The following GNG4 variants were observed in gnomAD, a reference collection of about 807,000 sequenced individuals.
GNG4 encodes the protein guanine nucleotide-binding protein G(I)/G(S)/G(O) subunit gamma-4.
Under a neutral mutation model 5.8 loss-of-function variants are expected in GNG4, and 4 were observed. The ratio of observed to expected loss-of-function variants is 0.69; its 90% confidence interval spans 0.34 to 1.57. The LOEUF (loss-of-function observed/expected upper bound fraction) is 1.57. Ranked by LOEUF, GNG4 falls within the 40% of genes most tolerant of loss-of-function variation. The probability of loss-of-function intolerance (pLI) is 0.06; values close to 1 mark genes in which losing one functional copy is unlikely to be tolerated. For synonymous variants in GNG4, 29 were observed against 32.9 expected (o/e 0.88, Z 0.41); for missense variants, 96 against 95.1 (o/e 1.01, Z -0.04).
At chr1:235,595,189 T>C (rs1192710775) in intron 2 of GNG4, among the ~76,000 whole-genome samples, 1 of 151,922 alleles carries the variant, frequency 6.6e-6, no homozygotes, top group East Asian at 1.9e-4. Context: ...TAACAGGAGG[T>C]GGCAAAAGGT....
intron 1 of GNG4, among the ~76,000 whole-genome samples, chr1:235,636,283 C>T (rs780948945): frequency 1.3e-5 from 2 of 152,206 alleles, no homozygotes; most frequent in African/African-American, 4.8e-5. Context: ...ACTTCCAAAG[C>T]GGGTTCAGAA....
intron 2 of GNG4, among the ~76,000 whole-genome samples, chr1:235,587,303 AGGGTGAGGGGTGTGTGTGTG>A (rs1687793358): frequency 1.7e-4 from 5 of 29,958 alleles, no homozygotes; most frequent in African/African-American, 7.0e-4. Flanking sequence ...GGTGTGTGTG[AGGGTGAGGGGTGTGTGTGTG>A]TGAGAGTGTG....
chr1:235,565,498 ACT>A (rs1158901269), intron 3 of GNG4, among the ~76,000 whole-genome samples: 1 of 152,098 alleles, frequency 6.6e-6, no homozygotes, highest in Non-Finnish European at 1.5e-5. Flanking sequence ...ACAGAGTGAG[ACT>A]CTGTTTCAAA....
intron 2 of GNG4, among the ~76,000 whole-genome samples, chr1:235,592,687 C>T (rs1044148385): frequency 1.3e-5 from 2 of 152,138 alleles, no homozygotes; most frequent in Non-Finnish European, 2.9e-5. Flanking sequence ...TTGAAGATAG[C>T]CGCCCTTTTC....
At chr1:235,583,946 G>A (rs1687704144) in intron 2 of GNG4, 98 bp from the exon 3 acceptor site, 1 of 612,830 alleles carries the variant, frequency 1.6e-6, no homozygotes, top group East Asian at 2.8e-5. Flanking sequence ...CCAAGCCAGG[G>A]AGCATCTGGG....
At chr1:235,623,915 G>A (rs1454756832) in intron 1 of GNG4, among the ~76,000 whole-genome samples, 1 of 152,142 alleles carries the variant, frequency 6.6e-6, no homozygotes. Flanking sequence ...CTACTAAAGA[G>A]ACAAAATGGA....
chr1:235,575,061 A>C (rs913974418), intron 3 of GNG4, among the ~76,000 whole-genome samples: 3 of 152,070 alleles, frequency 2.0e-5, no homozygotes, highest in African/African-American at 7.2e-5. Flanking sequence ...CTGACCTCGA[A>C]TGATCCACCC....
intron 1 of GNG4, among the ~76,000 whole-genome samples, chr1:235,630,981 C>A (rs376795869): frequency 3.3e-5 from 5 of 152,072 alleles, no homozygotes; most frequent in South Asian, 4.2e-4. Context: ...TCACTGCAAG[C>A]TCTGCCTCCC....
chr1:235,560,382 TTC>T (rs1321288369), intron 3 of GNG4, among the ~76,000 whole-genome samples: 4 of 152,152 alleles, frequency 2.6e-5, no homozygotes, highest in Non-Finnish European at 5.9e-5. Flanking sequence ...GGCCCCTTTT[TTC>T]TCTCTCTGCC....
At chr1:235,605,021 G>A (rs1688329780) in intron 1 of GNG4, among the ~76,000 whole-genome samples, 1 of 152,116 alleles carries the variant, frequency 6.6e-6, no homozygotes, top group South Asian at 2.1e-4. Flanking sequence ...CTTGTAAAAT[G>A]AGAAAATTGA....
At chr1:235,608,695 T>TA (rs1316339239) in intron 1 of GNG4, among the ~76,000 whole-genome samples, 4 of 151,818 alleles carry the variant, frequency 2.6e-5, no homozygotes, top group Admixed American at 6.6e-5. Flanking sequence ...TTATTTTTTT[T>TA]TTTTTTGAGA....
At chr1:235,633,973 A>G (rs937370249) in intron 1 of GNG4, among the ~76,000 whole-genome samples, 2 of 152,230 alleles carry the variant, frequency 1.3e-5, no homozygotes, top group Non-Finnish European at 2.9e-5. Flanking sequence ...AAGCAGAAAA[A>G]TAAAGCTCTG....
At chr1:235,628,142 C>T (rs1389275931) in intron 1 of GNG4, among the ~76,000 whole-genome samples, 1 of 152,026 alleles carries the variant, frequency 6.6e-6, no homozygotes, top group East Asian at 1.9e-4. Context: ...ATTGTGCCAT[C>T]GCACTCCAGC....
intron 1 of GNG4, among the ~76,000 whole-genome samples, chr1:235,612,086 A>AAAGAGG: frequency 8.8e-6 from 1 of 113,968 alleles, no homozygotes; most frequent in Non-Finnish European, 1.7e-5. Flanking sequence ...AAAAAAAAAA[A>AAAGAGG]AAAAAGAGGA....
intron 1 of GNG4, among the ~76,000 whole-genome samples, chr1:235,637,121 T>C (rs910172044): frequency 6.6e-6 from 1 of 151,380 alleles, no homozygotes; most frequent in Non-Finnish European, 1.5e-5. Context: ...ACAGGGTACA[T>C]GAATGCTTTT....
In GNG4 at chr1:235,642,793, C is replaced by T. The variant is rs867660695; in HGVS notation, c.-123+6869G>A. ...CTCGGATCACCCCAGGCAATCTCGC[C>T]CCTGTGGCTTCACCTGGGTCCAGCC... On this transcript the variant is annotated intron_variant, in intron 1 of 3. Coordinates refer to ENST00000391854, the MANE Select transcript of GNG4 (RefSeq NM_001098722.2). The surrounding 1 kb of genome is among the most constrained non-coding windows in gnomAD (Gnocchi z 4.3). Among the ~76,000 whole-genome samples the T allele has an allele frequency of 5.9e-5, 9 of 152,280 alleles. 1 individual carries two copies. The Middle Eastern group carries it at 0.01, about 173-fold the overall frequency.
rs1333801196 is a variant in GNG4, at chr1:235,548,380, C to G, written c.*3729G>C. 1 of 152,234 alleles carries G rather than the reference C, an allele frequency of 6.6e-6. No individual in the cohort carries two copies. Among genetic ancestry groups the G allele is most frequent in the Non-Finnish European group, 1.5e-5 (1 of 68,098 alleles). The allele number at this position is 152,234 out of a possible 1,614,324, so 9.4% of individuals were successfully genotyped here. On this transcript the variant is annotated 3_prime_UTR_variant, in exon 4 of 4. Coordinates refer to ENST00000391854, the MANE Select transcript of GNG4 (RefSeq NM_001098722.2). ...CAAGGAGTGGAGCAGAAATGACATT[C>G]CCAGGACGCTGCCATCCCTGGACAT...
At chr1:235,586,509 G>C (rs186705116) in intron 2 of GNG4, among the ~76,000 whole-genome samples, 1 of 152,270 alleles carries the variant, frequency 6.6e-6, no homozygotes, top group African/African-American at 2.4e-5. Context: ...TGATTTGGAT[G>C]TTTGTTCCCT....
intron 1 of GNG4, among the ~76,000 whole-genome samples, chr1:235,607,937 ATT>A (rs140271145): frequency 0.22 from 28,622 of 132,630 alleles, 4,912 homozygotes; most frequent in African/African-American, 0.48. Flanking sequence ...TGCTGTTTCT[ATT>A]TTTTTTTTTT....
Sources: gnomAD v4.1 joint callset for allele counts (sites outside exome capture counted in the v4.1 genomes callset) on GRCh38, gnomAD v4.1.1 for gene constraint, Gnocchi (gnomAD v3.1) non-coding constraint, MANE v1.5 for transcripts, NCBI Gene and HGNC (gene_info 2026-07-23, HGNC 2026-07-21) for gene names.